The following EDNRA variants were observed in gnomAD, a reference collection of about 807,000 sequenced individuals.
EDNRA encodes endothelin receptor type A.
EDNRA carries 11 observed loss-of-function variants against 41.4 expected under a neutral mutation model. That is an observed-to-expected ratio of 0.27 (90% CI 0.17 to 0.44). The LOEUF is 0.44. Ranked by LOEUF, EDNRA falls within the 20% of genes least tolerant of loss-of-function variation. The pLI is 1.00. For missense variants in EDNRA, 294 were observed against 531.0 expected (o/e 0.55, Z 4.39); for synonymous variants, 172 against 183.0 (o/e 0.94, Z 0.49).
chr4:147,519,862 G>T lies in EDNRA; in HGVS notation c.432G>T (p.Gly144=). Residue 144 remains glycine, a synonymous_variant, in exon 3 of 8, where the codon GGG becomes GGT. Transcript: ENST00000651419. This position sits in a 1 kb window ranked among gnomAD's most constrained non-coding sequence, Gnocchi z 4.1. The part of the protein sequence containing the change: ...LPINVFKLLA[G]RWPFDHNDFG... Reference sequence around the variant, plus strand: ...TCTCCTTCTTTCAGCTGCTGGCTGGGCGCTGGCCTTTTGATCACAATGACT... The same window carrying T: ...TCTCCTTCTTTCAGCTGCTGGCTGGTCGCTGGCCTTTTGATCACAATGACT... 1 of 1,613,350 alleles carries T rather than the reference G, an allele frequency of 6.2e-7. No homozygotes were observed. The highest frequency in any genetic ancestry group is 8.5e-7 in the Non-Finnish European group (1 of 1,179,594).
chr4:147,509,910 T>C (rs190615025), intron 2 of EDNRA, among the ~76,000 whole-genome samples: 12 of 152,232 alleles, frequency 7.9e-5, no homozygotes, highest in Admixed American at 3.9e-4. Flanking sequence ...GTAATATGCT[T>C]GAGTCATCCC....
chr4:147,516,297 C>T (rs1730113159), intron 2 of EDNRA, among the ~76,000 whole-genome samples: 1 of 152,240 alleles, frequency 6.6e-6, no homozygotes, highest in South Asian at 2.1e-4. Context: ...AAATGGCAGC[C>T]TCTCTTCAGC....
chr4:147,481,397 T>A (rs1489776405), intron 1 of EDNRA, 21 bp downstream of exon 1: 1 of 152,386 alleles, frequency 6.6e-6, no homozygotes, highest in Non-Finnish European at 1.5e-5. Context: ...GTCTTTCTTA[T>A]CGGGGACTGG....
chr4:147,532,008 ACTCAGTCT>A (rs1191095971), intron 3 of EDNRA, among the ~76,000 whole-genome samples: 1 of 109,248 alleles, frequency 9.2e-6, no homozygotes, highest in Non-Finnish European at 1.7e-5. Flanking sequence ...ACAGAACAAG[ACTCAGTCT>A]CAAAAAAAAA....
intron 2 of EDNRA, among the ~76,000 whole-genome samples, chr4:147,504,987 T>A: frequency 9.7e-6 from 1 of 102,654 alleles, no homozygotes; most frequent in Admixed American, 9.2e-5. Context: ...AGGATTCATA[T>A]CTAGAATATA....
At chr4:147,526,274 C>T (rs1193973098) in intron 3 of EDNRA, among the ~76,000 whole-genome samples, 2 of 152,220 alleles carry the variant, frequency 1.3e-5, no homozygotes, top group African/African-American at 2.4e-5. Context: ...GAACAACAAC[C>T]GTTTTATCAT....
intron 1 of EDNRA, among the ~76,000 whole-genome samples, chr4:147,482,956 A>C (rs1237694831): frequency 6.6e-6 from 1 of 152,190 alleles, no homozygotes; most frequent in Non-Finnish European, 1.5e-5. Context: ...TCTCATTTTT[A>C]AGAAAGCTGT....
rs905727750 is a variant in EDNRA at position 147,519,312 on chromosome 4, A to G, written c.421-539A>G. 4.6e-5 allele frequency among the ~76,000 whole-genome samples: 7 copies of G among 152,128 alleles called. No homozygotes were observed. The highest frequency in any genetic ancestry group is 1.0e-4 in the Non-Finnish European group (7 of 68,020). On this transcript the variant is annotated intron_variant, in intron 2 of 7. Transcript: ENST00000651419. This position sits in a 1 kb window ranked among gnomAD's most constrained non-coding sequence, Gnocchi z 4.1. Reference sequence around the variant, plus strand: ...TTTCCAGTATTCTCCCTAACCTTTCATTCTTAATTTCAGAGACAATATAAT... The same window carrying G: ...TTTCCAGTATTCTCCCTAACCTTTCGTTCTTAATTTCAGAGACAATATAAT...
chr4:147,507,527 G>C (rs1338688817), intron 2 of EDNRA, among the ~76,000 whole-genome samples: 1 of 152,190 alleles, frequency 6.6e-6, no homozygotes, highest in Non-Finnish European at 1.5e-5. Context: ...GTTGCCAGGG[G>C]TTGGGAATGG....
Position 147,501,456 on chromosome 4 carries a change from G to C in EDNRA, c.420+15355G>C, listed in dbSNP as rs184750959. Among the ~76,000 whole-genome samples, 32 of 152,284 alleles carry C rather than the reference G, an allele frequency of 2.1e-4. No individual in the cohort carries two copies. In the East Asian group the frequency reaches 5.8e-3, roughly 28 times the overall value. On this transcript the variant is annotated intron_variant, in intron 2 of 7. Transcript: ENST00000651419. The stretch of plus-strand genomic sequence containing the variant: ...AAATGGATCAAAAATCAAGAAAGTA[G>C]AAAAAGGTACACATTGAGAAGTCTT...
chr4:147,518,605 CG>C (rs1187640942), intron 2 of EDNRA, among the ~76,000 whole-genome samples: 1 of 152,138 alleles, frequency 6.6e-6, no homozygotes, highest in African/African-American at 2.4e-5. Flanking sequence ...TCTTTATCTA[CG>C]GGGTACTGGT....
intron 2 of EDNRA, chr4:147,496,067 A>T (rs1482415851): frequency 6.6e-6 from 1 of 152,222 alleles, no homozygotes; most frequent in Non-Finnish European, 1.5e-5. Context: ...ACATTTTTTC[A>T]ATGTCCAAAA....
At position 147,540,237 on chromosome 4, in the gene EDNRA, C is replaced by G. The variant is rs111687346; in HGVS notation, c.1035-140C>G. On this transcript the variant is annotated intron_variant, in intron 6 of 7. Transcript: ENST00000651419. ...AAACTGAAACTGCCGTTTAAACAAG[C>G]ACTTTTTACAAAATTCTAACTGCCA... 274 of 785,732 alleles carry G rather than the reference C, an allele frequency of 3.5e-4. 2 individuals carry two copies. The African/African-American group carries it at 4.3e-3, about 12-fold the overall frequency. 48.7% of individuals were successfully genotyped at this position (785,732 alleles called of 1,614,324 possible).
rs1247540217 is a variant in EDNRA at position 147,536,540 on chromosome 4, G to A, written c.900+511G>A. 2.0e-5 allele frequency among the ~76,000 whole-genome samples: 3 copies of A among 152,192 alleles called. No individual in the cohort carries two copies. The East Asian group carries it at 5.8e-4, about 29-fold the overall frequency. On this transcript the variant is annotated intron_variant, in intron 5 of 7. Coordinates refer to ENST00000651419, the MANE Select transcript of EDNRA (RefSeq NM_001957.4). ...GATTGAACCAGACCTTGGAGGATAA[G>A]TGGGATTTGATGGGGAAGAAGTTGA... is the stretch of plus-strand genomic sequence containing the variant.
chr4:147,506,493 G>A, intron 2 of EDNRA: 1 of 342,948 alleles, frequency 2.9e-6, no homozygotes, highest in Non-Finnish European at 5.8e-6. Context: ...TGAACCTGTT[G>A]CTAATCAATA....
intron 2 of EDNRA, chr4:147,488,799 G>T (rs1363975587): frequency 1.3e-5 from 2 of 152,232 alleles, no homozygotes; most frequent in Non-Finnish European, 2.9e-5. Flanking sequence ...TCCAAGCAAT[G>T]TGAGTCACAG....
intron 2 of EDNRA, among the ~76,000 whole-genome samples, chr4:147,507,209 G>T (rs1211950048): frequency 7.2e-6 from 1 of 138,434 alleles, no homozygotes; most frequent in African/African-American, 3.4e-5. Context: ...TCCTTATTTT[G>T]AGGGGGGAAA....
intron 2 of EDNRA, among the ~76,000 whole-genome samples, chr4:147,497,697 G>A (rs570491975): frequency 6.6e-6 from 1 of 151,802 alleles, no homozygotes; most frequent in Admixed American, 6.6e-5. Flanking sequence ...TCAGCCTCCC[G>A]AGTAGCTGGG....
intron 2 of EDNRA, chr4:147,494,402 GGTGACA>G (rs1729237959): frequency 1.3e-5 from 2 of 152,298 alleles, no homozygotes; most frequent in Admixed American, 1.3e-4. Context: ...CTCAATACAA[GGTGACA>G]GTTGAGTAAA....
Sources: gnomAD v4.1 joint callset for allele counts (sites outside exome capture counted in the v4.1 genomes callset) on GRCh38, gnomAD v4.1.1 for gene constraint, Gnocchi (gnomAD v3.1) non-coding constraint, MANE v1.5 for transcripts, NCBI Gene and HGNC (gene_info 2026-07-23, HGNC 2026-07-21) for gene names.